The following NOL4 variants were observed in gnomAD, a reference collection of about 807,000 sequenced individuals.
NOL4 encodes the protein cancer/testis antigen 125.
Under a neutral mutation model 75.9 loss-of-function variants are expected in NOL4, and 17 were observed. The ratio of observed to expected loss-of-function variants is 0.22; its 90% CI spans 0.15 to 0.34. The LOEUF (loss-of-function observed/expected upper bound fraction) is 0.34, where lower values mean the gene tolerates loss of function less well. Among genes scored for constraint, NOL4 ranks in the 10% least tolerant of loss-of-function variants. NOL4 has a pLI of 1.00. For synonymous variants in NOL4, 292 were observed against 289.9 expected, an observed-to-expected ratio of 1.01 and a Z score of -0.07; for missense variants, 614 against 793.5, an observed-to-expected ratio of 0.77 and a Z score of 2.72.
At chr18:33,971,295 T>C (rs985810304) in intron 6 of NOL4, among the ~76,000 whole-genome samples, 6 of 152,194 alleles carry the variant, frequency 3.9e-5, no homozygotes, top group Non-Finnish European at 8.8e-5. Context: ...TATTCCTATA[T>C]TGGGATGATT....
intron 1 of NOL4, chr18:34,222,014 A>T: frequency 6.5e-7 from 1 of 1,534,700 alleles, no homozygotes; most frequent in Non-Finnish European, 8.7e-7. Flanking sequence ...CCAGGCGAGT[A>T]CCCACCGTGG....
Position 34,048,566 on chromosome 18 carries a change from C to G in NOL4, c.773-28965G>C, listed in dbSNP as rs143105024. The stretch of plus-strand genomic sequence containing the variant: ...GTGCACCCAGGGATTAGTCTGACTT[C>G]CCCTAAATTCTCTCCTCTGCACAGT... On this transcript the variant is annotated intron_variant, in intron 5 of 10. Transcript: ENST00000261592. 6.1e-6 allele frequency: 6 copies of G among 985,400 alleles called. No individual in the cohort carries two copies. The East Asian group carries it at 6.8e-4, about 112-fold the overall frequency. The allele number at this position is 985,400 out of a possible 1,614,324, so 61.0% of individuals were successfully genotyped here. A position where few individuals can be genotyped will look rare whatever the true frequency, so the allele number is the denominator to read the frequency against.
chr18:34,062,216 G>T (rs1555710500), intron 5 of NOL4, among the ~76,000 whole-genome samples: 3 of 151,080 alleles, frequency 2.0e-5, no homozygotes, highest in East Asian at 1.9e-4. Context: ...TAAAAAAAAA[G>T]TTTTTTTTTA....
At chr18:34,075,991 T>A (rs961930562) in intron 5 of NOL4, among the ~76,000 whole-genome samples, 1 of 152,132 alleles carries the variant, frequency 6.6e-6, no homozygotes, top group African/African-American at 2.4e-5. Context: ...GAGTATAAAT[T>A]TTTTATAAGA....
intron 8 of NOL4, among the ~76,000 whole-genome samples, chr18:33,954,196 A>T (rs149464522): frequency 1.6e-3 from 248 of 152,310 alleles, no homozygotes; most frequent in African/African-American, 5.6e-3. Context: ...AATGTAAATG[A>T]CATGTAAATA....
intron 6 of NOL4, among the ~76,000 whole-genome samples, chr18:33,981,007 G>T (rs759322615): frequency 6.6e-6 from 1 of 151,950 alleles, no homozygotes; most frequent in Non-Finnish European, 1.5e-5. Context: ...TTCTGGGATA[G>T]AAATTTTGAG....
intron 4 of NOL4, among the ~76,000 whole-genome samples, chr18:34,094,257 C>T (rs2078664923): frequency 6.6e-6 from 1 of 151,986 alleles, no homozygotes; most frequent in African/African-American, 2.4e-5. Flanking sequence ...GCAGAAAGGG[C>T]TTTATAAAAA....
At chr18:34,141,139 C>T (rs992045457) in intron 1 of NOL4, among the ~76,000 whole-genome samples, 1 of 152,080 alleles carries the variant, frequency 6.6e-6, no homozygotes, top group African/African-American at 2.4e-5. Context: ...AAGTGAAGGA[C>T]CTCTTCAAGG....
At chr18:33,933,642 G>A (rs896237532) in intron 9 of NOL4, among the ~76,000 whole-genome samples, 6 of 152,112 alleles carry the variant, frequency 3.9e-5, no homozygotes, top group Non-Finnish European at 8.8e-5. Flanking sequence ...TTTACGCTCA[G>A]CTATAAAAAG....
At chr18:33,972,008 A>C (rs1341616520) in intron 6 of NOL4, among the ~76,000 whole-genome samples, 5 of 151,940 alleles carry the variant, frequency 3.3e-5, no homozygotes, top group South Asian at 2.1e-4. Context: ...TCAACTAAAA[A>C]GTACAAAAAT....
chr18:34,094,010 C>A (rs1368295786), intron 4 of NOL4, among the ~76,000 whole-genome samples: 1 of 152,080 alleles, frequency 6.6e-6, no homozygotes, highest in African/African-American at 2.4e-5. Flanking sequence ...CCACTGCACT[C>A]CAGCCTGGGC....
chr18:33,852,781 T>C lies in NOL4; in HGVS notation c.*61A>G. Reference sequence around the variant, plus strand: ...GACCAGAAGTATCTCTGTTGGGAAATCAAAATGTCATTAGTGGAAACTGCA... The same window carrying C: ...GACCAGAAGTATCTCTGTTGGGAAACCAAAATGTCATTAGTGGAAACTGCA... On this transcript the variant is annotated 3_prime_UTR_variant, in exon 11 of 11. Coordinates refer to ENST00000261592, the MANE Select transcript of NOL4 (RefSeq NM_003787.5). 1.4e-6 allele frequency: 2 copies of C among 1,431,174 alleles called. No homozygotes were observed. Among genetic ancestry groups the C allele is most frequent in the Non-Finnish European group, 1.9e-6 (2 of 1,038,486 alleles). The allele number at this position is 1,431,174 out of a possible 1,614,324, so 88.7% of individuals were successfully genotyped here.
rs566828977 is a variant in NOL4, at chr18:33,906,449, G to C, written c.1543-23025C>G. 4.6e-5 allele frequency among the ~76,000 whole-genome samples: 7 copies of C among 152,222 alleles called. No homozygotes were observed. The East Asian group carries it at 1.2e-3, about 25-fold the overall frequency. ...GTCACTGACCTTGTTCCAAATCCTT[G>C]TCTCTCAACTTACTGGCTGTTGTGC... is the stretch of plus-strand genomic sequence containing the variant. On this transcript the variant is annotated intron_variant, in intron 9 of 10. Coordinates refer to ENST00000261592, the MANE Select transcript of NOL4 (RefSeq NM_003787.5).
At chr18:34,073,999 A>C (rs1171940736) in intron 5 of NOL4, among the ~76,000 whole-genome samples, 1 of 151,862 alleles carries the variant, frequency 6.6e-6, no homozygotes. Flanking sequence ...TGTCTAACTA[A>C]GGAAAAAATC....
chr18:34,024,167 G>T, intron 5 of NOL4, among the ~76,000 whole-genome samples: 1 of 89,940 alleles, frequency 1.1e-5, no homozygotes, highest in African/African-American at 4.5e-5. Context: ...AAGTGCCTTA[G>T]GCAAAATAAA....
chr18:34,053,092 A>G (rs2145002009), intron 5 of NOL4, among the ~76,000 whole-genome samples: 1 of 152,114 alleles, frequency 6.6e-6, no homozygotes, highest in Non-Finnish European at 1.5e-5. Context: ...ATATGAACAT[A>G]CATTGCTAAT....
At chr18:34,010,485 A>T (rs2074309262) in intron 6 of NOL4, among the ~76,000 whole-genome samples, 1 of 151,950 alleles carries the variant, frequency 6.6e-6, no homozygotes, top group Non-Finnish European at 1.5e-5. Flanking sequence ...GCTCTTTGAT[A>T]TACCAATTTC....
chr18:33,879,576 G>T (rs979092797), intron 10 of NOL4, among the ~76,000 whole-genome samples: 1 of 152,014 alleles, frequency 6.6e-6, no homozygotes, highest in African/African-American at 2.4e-5. Context: ...AACTACTCTG[G>T]AGGCTGAGAT....
At chr18:33,960,929 C>T (rs2070063199) in intron 6 of NOL4, among the ~76,000 whole-genome samples, 1 of 152,040 alleles carries the variant, frequency 6.6e-6, no homozygotes, top group South Asian at 2.1e-4. Context: ...CATTATTTAA[C>T]ATCTAACTAT....
Sources: gnomAD v4.1 joint callset for allele counts (sites outside exome capture counted in the v4.1 genomes callset) on GRCh38, gnomAD v4.1.1 for gene constraint, MANE v1.5 for transcripts, NCBI Gene and HGNC (gene_info 2026-07-23, HGNC 2026-07-21) for gene names.